Variants in PRELID2 observed in about 807,000 individuals in gnomAD.
PRELID2 encodes the protein PRELI domain containing 2.
A neutral mutation model predicts 28.4 loss-of-function variants in PRELID2; 25 were observed. The observed-to-expected ratio is 0.88, with a 90% CI of 0.64 to 1.23. The LOEUF is 1.23. PRELID2 is among the 50% of genes most tolerant of loss of function. PRELID2 has a pLI of 0.00. For missense variants in PRELID2, 201 were observed against 214.4 expected, an observed-to-expected ratio of 0.94 and a Z score of 0.39; for synonymous variants, 76 against 71.6, an observed-to-expected ratio of 1.06 and a Z score of -0.31.
At chr5:145,687,878 T>C (rs78191289) in intron 1 of PRELID2, among the ~76,000 whole-genome samples, 486 of 152,340 alleles carry the variant, frequency 3.2e-3, no homozygotes, top group Non-Finnish European at 5.6e-3. Flanking sequence ...TACAGATTAA[T>C]AAACTAAGAA....
At chr5:145,259,827 G>A in the PRELID2 span, among the ~76,000 whole-genome samples, 1 of 152,152 alleles carries the variant, frequency 6.6e-6, no homozygotes, top group Admixed American at 6.5e-5. Context: ...TGTAATGTGA[G>A]AAGAACATGA....
intron 5 of PRELID2, among the ~76,000 whole-genome samples, chr5:145,785,864 G>A (rs760727562): frequency 3.3e-5 from 5 of 152,130 alleles, no homozygotes; most frequent in Non-Finnish European, 7.3e-5. Flanking sequence ...AATGGTCCCA[G>A]GGCCAGCTAC....
the PRELID2 span, among the ~76,000 whole-genome samples, chr5:145,431,006 G>GTTTT: frequency 7.2e-4 from 40 of 55,544 alleles, no homozygotes; most frequent in African/African-American, 1.1e-3. Context: ...CCTGGCAATG[G>GTTTT]TTTTTTTTTT....
chr5:145,290,528 C>G, the PRELID2 span, among the ~76,000 whole-genome samples: 1 of 146,248 alleles, frequency 6.8e-6, no homozygotes. Flanking sequence ...CATGTTCTCA[C>G]TCATAGGTGG....
intron 1 of PRELID2, among the ~76,000 whole-genome samples, chr5:145,597,026 A>T (rs1262058547): frequency 6.6e-6 from 1 of 152,210 alleles, no homozygotes; most frequent in East Asian, 1.9e-4. Flanking sequence ...AAAATACTAC[A>T]TAGCAGAAAA....
chr5:145,581,631 A>G (rs753228842), intron 1 of PRELID2, among the ~76,000 whole-genome samples: 1 of 152,058 alleles, frequency 6.6e-6, no homozygotes, highest in Non-Finnish European at 1.5e-5. Flanking sequence ...ATTTAGGGTG[A>G]AAGTGCTTAG....
At chr5:145,352,834 A>G in the PRELID2 span, among the ~76,000 whole-genome samples, 1 of 152,152 alleles carries the variant, frequency 6.6e-6, no homozygotes, top group Non-Finnish European at 1.5e-5. Context: ...TGAAGGGGCA[A>G]AATTCTACCA....
At chr5:145,476,304 A>G (rs1339889113) in intron 1 of PRELID2, among the ~76,000 whole-genome samples, 1 of 152,244 alleles carries the variant, frequency 6.6e-6, no homozygotes, top group African/African-American at 2.4e-5. Flanking sequence ...AAATATGCAG[A>G]AAATTATGTG....
the PRELID2 span, among the ~76,000 whole-genome samples, chr5:145,287,390 C>T: frequency 7.2e-5 from 11 of 152,252 alleles, no homozygotes; most frequent in African/African-American, 2.4e-4. Flanking sequence ...TCTCTCCCTT[C>T]GTCTTGTGAT....
chr5:145,413,059 G>T, the PRELID2 span, among the ~76,000 whole-genome samples: 1 of 152,042 alleles, frequency 6.6e-6, no homozygotes, highest in African/African-American at 2.4e-5. Context: ...GATTTTAGGT[G>T]GGGACATAGC....
the PRELID2 span, among the ~76,000 whole-genome samples, chr5:145,329,911 TG>T: frequency 6.6e-6 from 1 of 152,214 alleles, no homozygotes; most frequent in Non-Finnish European, 1.5e-5. Context: ...ATATTGGCTG[TG>T]GGTTTGTCAT....
the PRELID2 span, among the ~76,000 whole-genome samples, chr5:145,443,414 C>T: frequency 2.0e-5 from 3 of 151,976 alleles, no homozygotes; most frequent in Non-Finnish European, 4.4e-5. Context: ...AAGTCATATA[C>T]CTATCTCTGA....
chr5:145,398,868 G>C, the PRELID2 span, among the ~76,000 whole-genome samples: 117 of 152,118 alleles, frequency 7.7e-4, no homozygotes, highest in Non-Finnish European at 1.4e-3. Context: ...TCCTCAAGAG[G>C]GGACATTTTA....
At position 145,788,448 on chromosome 5, in the gene PRELID2, A is replaced by G. The variant is rs556037330; in HGVS notation, c.474+7994T>C. Among the ~76,000 whole-genome samples, 431 of 152,290 alleles carry G rather than the reference A, an allele frequency of 2.8e-3. 4 individuals carry two copies. Among genetic ancestry groups the G allele is most frequent in the Middle Eastern group, 6.8e-3 (2 of 294 alleles). ...GAGACTATGGCACGGTCAAGAGATG[A>G]GTGAATGCCTCCCAGGTTGAGGAAC... On this transcript the variant is annotated intron_variant, in intron 5 of 6. Coordinates refer to ENST00000683046, the MANE Select transcript of PRELID2 (RefSeq NM_205846.3).
chr5:145,639,038 A>G (rs775361684), intron 1 of PRELID2, among the ~76,000 whole-genome samples: 13 of 152,228 alleles, frequency 8.5e-5, no homozygotes, highest in Non-Finnish European at 1.6e-4. Flanking sequence ...TATATTCTTC[A>G]AGATAATCAG....
At chr5:145,380,536 T>C in the PRELID2 span, among the ~76,000 whole-genome samples, 1 of 152,240 alleles carries the variant, frequency 6.6e-6, no homozygotes, top group African/African-American at 2.4e-5. Context: ...AAGTCTTCTG[T>C]AGTTTCCACT....
intron 1 of PRELID2, among the ~76,000 whole-genome samples, chr5:145,567,637 C>CA (rs1485149902): frequency 6.6e-6 from 1 of 152,240 alleles, no homozygotes; most frequent in Admixed American, 6.5e-5. Context: ...CTCAGCCTCC[C>CA]AAAGTGCTGG....
intron 1 of PRELID2, among the ~76,000 whole-genome samples, chr5:145,715,349 AT>A (rs1755812763): frequency 6.6e-6 from 1 of 151,778 alleles, no homozygotes; most frequent in Admixed American, 6.6e-5. Context: ...CCCAACAGCC[AT>A]TTCTCCTCTT....
chr5:145,799,252 C>A (rs914397994), intron 4 of PRELID2, among the ~76,000 whole-genome samples: 3 of 146,636 alleles, frequency 2.0e-5, no homozygotes, highest in African/African-American at 2.5e-5. Flanking sequence ...ACCTACAAGA[C>A]AAAAATACTA....
Sources: allele counts gnomAD v4.1 joint callset (sites outside exome capture counted in the v4.1 genomes callset), GRCh38; gene constraint gnomAD v4.1.1; transcripts MANE v1.5; gene names NCBI Gene and HGNC (gene_info 2026-07-23, HGNC 2026-07-21).